NBPF12: variants seen among roughly 807,000 people sequenced by gnomAD.
The protein encoded by NBPF12 is NBPF member 12, also known as NBPF family member NBPF12.
In NBPF12, 115 loss-of-function variants were observed where a neutral mutation model predicts 146.4. That is an observed-to-expected ratio of 0.79 (90% CI 0.68 to 0.92). NBPF12 has a LOEUF of 0.92. Ranked by LOEUF, NBPF12 falls within the 40% of genes least tolerant of loss-of-function variation. NBPF12 has a pLI of 0.00. For missense variants in NBPF12, 1,205 were observed against 1,326.8 expected (o/e 0.91, Z 1.43); for synonymous variants, 385 against 508.9 (o/e 0.76, Z 3.28).
At chr1:146,982,508 A>C (rs1269963291) in intron 19 of NBPF12, among the ~76,000 whole-genome samples, 1 of 151,824 alleles carries the variant, frequency 6.6e-6, no homozygotes, top group Non-Finnish European at 1.5e-5. Context: ...ATATTATATC[A>C]AAATATTGGG....
chr1:146,980,267 C>T (rs1192290956), intron 19 of NBPF12, among the ~76,000 whole-genome samples: 3 of 151,984 alleles, frequency 2.0e-5, no homozygotes, highest in Non-Finnish European at 2.9e-5. Context: ...ACTCTTTATC[C>T]AATTTGCCAT....
chr1:146,977,285 C>T lies in NBPF12; in HGVS notation c.2193-181C>T, dbSNP rs1553887515. ...AGCTGCTCTCTTCCTCTCTGGTTCC[C>T]ATGGCAGCCGTGCTCTGTTGCAGAC... On this transcript the variant is annotated intron_variant, in intron 17 of 33. Coordinates refer to ENST00000617844, the Ensembl canonical transcript of NBPF12. 1.5e-3 allele frequency among the ~76,000 whole-genome samples: 230 copies of T among 148,476 alleles called. 17 individuals carry two copies. Among genetic ancestry groups the T allele is most frequent in the African/African-American group, 5.6e-3 (217 of 39,072 alleles).
chr1:146,954,511 C>T (rs1553884173), intron 2 of NBPF12, among the ~76,000 whole-genome samples: 73 of 148,174 alleles, frequency 4.9e-4, no homozygotes, highest in Non-Finnish European at 9.4e-4. Context: ...GGAGATAAAC[C>T]TTGTCATGGA....
exon 14 of NBPF12, chr1:146,972,958 A>G: frequency 1.1e-6 from 1 of 922,516 alleles, no homozygotes; most frequent in East Asian, 2.4e-5. Flanking sequence ...CAGAACAAAT[A>G]CAGTAAGATC....
rs1336116714 is a variant in NBPF12, at chr1:146,994,088, C to G, written c.4131-244C>G. Among the ~76,000 whole-genome samples, 29 of 93,622 alleles carry G rather than the reference C, an allele frequency of 3.1e-4. 3 individuals carry two copies. Among genetic ancestry groups the G allele is most frequent in the African/African-American group, 1.4e-3 (29 of 20,996 alleles). 61.4% of individuals were successfully genotyped at this position (93,622 alleles called of 152,430 possible). On this transcript the variant is annotated intron_variant, in intron 33 of 33. Coordinates refer to ENST00000617844, the Ensembl canonical transcript of NBPF12. ...GTCACCTGGCCAATTCACTAGCTCA[C>G]TTTCTCTCTGTCTCTGTCTCTGTCT...
At chr1:146,959,405 G>A (rs1655738635) in intron 2 of NBPF12, among the ~76,000 whole-genome samples, 2 of 48,098 alleles carry the variant, frequency 4.2e-5, no homozygotes, top group Non-Finnish European at 3.6e-5. Flanking sequence ...GGAGAATAGC[G>A]TGAACCTGGG....
In NBPF12 at chr1:146,957,911, A is replaced by G. The variant is rs1323375709; in HGVS notation, c.-183-1948A>G. On this transcript the variant is annotated intron_variant, in intron 2 of 33. Coordinates refer to ENST00000617844, the Ensembl canonical transcript of NBPF12. ...TATACACATATATATACACGTATGT[A>G]TATACACGTATATAATATATATTCG... Among the ~76,000 whole-genome samples, 87 of 119,442 alleles carry G rather than the reference A, an allele frequency of 7.3e-4. 6 individuals carry two copies. Among genetic ancestry groups the G allele is most frequent in the African/African-American group, 2.4e-3 (85 of 34,982 alleles). The allele number at this position is 119,442 out of a possible 152,430, so 78.4% of individuals were successfully genotyped here.
chr1:146,978,451 G>A (rs1373407193), intron 18 of NBPF12, among the ~76,000 whole-genome samples: 3 of 144,500 alleles, frequency 2.1e-5, no homozygotes, highest in African/African-American at 5.1e-5. Context: ...TTTTAGTAGA[G>A]ACAGGGTTTC....
chr1:146,966,643 G>T (rs1553885689), exon 9 of NBPF12: 20,689 of 1,473,718 alleles, frequency 0.014, 1,014 homozygotes, highest in African/African-American at 0.14. Flanking sequence ...TCAACTGGCC[G>T]GCTTCCTGGC....
chr1:146,961,166 A>G (rs2101844612), intron 4 of NBPF12, among the ~76,000 whole-genome samples: 1 of 152,154 alleles, frequency 6.6e-6, no homozygotes, highest in Non-Finnish European at 1.5e-5. Flanking sequence ...ACAAAAGGAT[A>G]AATAAATCAA....
At chr1:146,961,437 G>C (rs1304958929) in intron 4 of NBPF12, among the ~76,000 whole-genome samples, 1 of 151,992 alleles carries the variant, frequency 6.6e-6, no homozygotes, top group Non-Finnish European at 1.5e-5. Context: ...TGAATTACAT[G>C]AGGTATTTCC....
At chr1:146,978,684 T>C (rs1657202837) in intron 18 of NBPF12, among the ~76,000 whole-genome samples, 1 of 149,400 alleles carries the variant, frequency 6.7e-6, no homozygotes, top group Non-Finnish European at 1.5e-5. Context: ...TTTTTGGAGA[T>C]TTTTTTGGGG....
At chr1:146,941,143 G>A (rs1404189782) in intron 1 of NBPF12, among the ~76,000 whole-genome samples, 1 of 151,104 alleles carries the variant, frequency 6.6e-6, no homozygotes, top group African/African-American at 2.4e-5. Context: ...GAGTGCAGTG[G>A]TACAATCACA....
intron 2 of NBPF12, among the ~76,000 whole-genome samples, chr1:146,952,840 G>A (rs1293689633): frequency 1.3e-5 from 2 of 151,320 alleles, no homozygotes; most frequent in Non-Finnish European, 2.9e-5. Context: ...CTCCCTCCCT[G>A]CTCTGGCACT....
At chr1:146,960,858 G>A (rs1325617992) in intron 4 of NBPF12, among the ~76,000 whole-genome samples, 4 of 152,026 alleles carry the variant, frequency 2.6e-5, no homozygotes, top group Non-Finnish European at 4.4e-5. Context: ...TCAAGAGCAG[G>A]GAGTAGGGGC....
chr1:146,983,342 A>T, intron 20 of NBPF12: 1 of 606,640 alleles, frequency 1.6e-6, no homozygotes, highest in Non-Finnish European at 2.9e-6. Flanking sequence ...CACGACATTG[A>T]ACTCAAGGCA....
At position 146,970,581 on chromosome 1, in the gene NBPF12, G is replaced by T. The variant is rs1553886242; in HGVS notation, c.1307-66G>T. ...CATAGATGTTCATGTCTCTGTGCAC[G>T]TTGGGCTGACTGTGCTTGCAGAATG... is the stretch of plus-strand genomic sequence containing the variant. On this transcript the variant is annotated intron_variant, in intron 11 of 33. Coordinates refer to ENST00000617844, the Ensembl canonical transcript of NBPF12. 1,781 of 1,557,304 alleles carry T rather than the reference G, an allele frequency of 1.1e-3. 73 individuals carry two copies. In the African/African-American group the frequency reaches 0.02, roughly 18 times the overall value.
At chr1:146,971,937 A>T (rs1656653895) in intron 13 of NBPF12, among the ~76,000 whole-genome samples, 1 of 121,194 alleles carries the variant, frequency 8.3e-6, no homozygotes, top group African/African-American at 3.3e-5. Flanking sequence ...AAAAAAAAAA[A>T]ATTAGCTGGG....
chr1:146,977,951 C>T (rs1220751143), intron 18 of NBPF12, among the ~76,000 whole-genome samples: 1 of 152,042 alleles, frequency 6.6e-6, no homozygotes, highest in Non-Finnish European at 1.5e-5. Context: ...AACTTCCATT[C>T]AGTATCTCTT....
Sources: allele counts gnomAD v4.1 joint callset (sites outside exome capture counted in the v4.1 genomes callset), GRCh38; gene constraint gnomAD v4.1.1; transcripts MANE v1.5; gene names NCBI Gene and HGNC (gene_info 2026-07-23, HGNC 2026-07-21).